Variants in CD163L1 observed in about 807,000 individuals in gnomAD.
CD163L1 encodes CD163 molecule like 1.
CD163L1 carries 124 observed loss-of-function variants against 165.4 expected under a neutral mutation model. That is an observed-to-expected ratio of 0.75 (90% CI 0.65 to 0.87). The LOEUF is 0.87. Among genes scored for constraint, CD163L1 ranks in the 40% least tolerant of loss-of-function variants. The pLI, the probability that CD163L1 is intolerant of heterozygous loss-of-function variation, is 0.00. For synonymous variants in CD163L1, 585 were observed against 662.2 expected, an observed-to-expected ratio of 0.88 and a Z score of 1.79; for missense variants, 1,525 against 1,799.9, an observed-to-expected ratio of 0.85 and a Z score of 2.76.
chr12:7,323,474 G>A, the CD163L1 span: 1 of 1,613,812 alleles, frequency 6.2e-7, no homozygotes, highest in Non-Finnish European at 8.5e-7. Flanking sequence ...AGATGAAAAT[G>A]GCAATGTTCT....
rs193299513 is a variant in CD163L1, at chr12:7,357,249, T to G, written c.*24+131A>C. The G allele has an allele frequency of 6.6e-5, 38 of 573,252 alleles. No homozygotes were observed. The African/African-American group carries it at 6.9e-4, about 10-fold the overall frequency. 35.5% of individuals were successfully genotyped at this position (573,252 alleles called of 1,614,324 possible). On this transcript the variant is annotated intron_variant, in intron 19 of 19. Coordinates refer to ENST00000313599, the MANE Select transcript of CD163L1 (RefSeq NM_174941.6). Reference sequence around the variant, plus strand: ...CTTTTCCAGAGGTTAACATAGAATATTTGAAATACTGGGGATATGAACCAG... The same window carrying G: ...CTTTTCCAGAGGTTAACATAGAATAGTTGAAATACTGGGGATATGAACCAG...
chr12:7,360,497 G>T (rs903523421), intron 18 of CD163L1, among the ~76,000 whole-genome samples: 1 of 151,884 alleles, frequency 6.6e-6, no homozygotes, highest in Non-Finnish European at 1.5e-5. Context: ...CATTTTTAAG[G>T]TATCTTTTTC....
At chr12:7,379,867 G>GTT (rs199865477) in intron 8 of CD163L1, among the ~76,000 whole-genome samples, 15,867 of 144,368 alleles carry the variant, frequency 0.11, 1,103 homozygotes, top group African/African-American at 0.19. Flanking sequence ...GAGTAGGTAA[G>GTT]TTTTTTTTTT....
chr12:7,371,423 G>A (rs1233224903), intron 14 of CD163L1, among the ~76,000 whole-genome samples: 1 of 152,040 alleles, frequency 6.6e-6, no homozygotes, highest in African/African-American at 2.4e-5. Context: ...AAAGCTGGCA[G>A]AATTCATCCT....
At chr12:7,420,831 C>A (rs1354005638) in intron 4 of CD163L1, among the ~76,000 whole-genome samples, 1 of 151,554 alleles carries the variant, frequency 6.6e-6, no homozygotes, top group Non-Finnish European at 1.5e-5. Context: ...TTAGACCCAA[C>A]AATCCCACTA....
intron 4 of CD163L1, among the ~76,000 whole-genome samples, chr12:7,430,695 T>A (rs1188288240): frequency 6.6e-6 from 1 of 152,098 alleles, no homozygotes; most frequent in Non-Finnish European, 1.5e-5. Flanking sequence ...ATGAATAGGA[T>A]ATGTTTATAT....
rs1316668451 is a variant in CD163L1 at position 7,379,059 on chromosome 12, C to T, written c.2290G>A (p.Ala764Thr). The change falls in exon 9 of 20, where the codon GCC becomes ACC. Residue 764 changes from alanine to threonine, a missense_variant. Physicochemically the swap from Ala to Thr is moderately conservative, Grantham distance 58. Coordinates refer to ENST00000313599, the MANE Select transcript of CD163L1 (RefSeq NM_174941.6). The stretch of plus-strand genomic sequence containing the variant: ...CATCGTATACAATCCCAGAGAGAGG[C>T]TTCCCCTCCAGTGCAGCCAGAATTC... ...MSNSGCTGGE[A>T]SLWDCIRWEW... The T allele has an allele frequency of 2.5e-6, 4 of 1,614,046 alleles. No individual in the cohort carries two copies. The highest frequency in any genetic ancestry group is 2.5e-6 in the Non-Finnish European group (3 of 1,180,020).
At chr12:7,438,901 A>T (rs1948775818) in intron 2 of CD163L1, 1 of 1,599,456 alleles carries the variant, frequency 6.3e-7, no homozygotes, top group Admixed American at 1.7e-5. Flanking sequence ...CTCTGTCTTG[A>T]TTCCTCTGCT....
In CD163L1 at chr12:7,398,222, T is replaced by C; in HGVS notation, c.1729+42A>G. The C allele has an allele frequency of 6.4e-7, 1 of 1,563,068 alleles. No homozygotes were observed. Among genetic ancestry groups the C allele is most frequent in the Non-Finnish European group, 8.7e-7 (1 of 1,148,274 alleles). On this transcript the variant is annotated intron_variant, in intron 7 of 19. Transcript: ENST00000313599. The surrounding 1 kb of genome is among the most constrained non-coding windows in gnomAD (Gnocchi z 4.5). ...CAGAAGCCCTTCCTATGAGGAATAC[T>C]ATTTCTCTTATCAGGAAATAATAAA... is the stretch of plus-strand genomic sequence containing the variant.
intron 4 of CD163L1, among the ~76,000 whole-genome samples, chr12:7,349,014 G>C (rs981062911): frequency 6.6e-6 from 1 of 152,072 alleles, no homozygotes; most frequent in Admixed American, 6.5e-5. Context: ...GGTAGACGGT[G>C]AATCTGGATT....
At chr12:7,428,187 A>C (rs1438148101) in intron 4 of CD163L1, among the ~76,000 whole-genome samples, 2 of 152,050 alleles carry the variant, frequency 1.3e-5, no homozygotes, top group Non-Finnish European at 2.9e-5. Flanking sequence ...TATCCCCTTT[A>C]TGGTTTTAAC....
intron 1 of CD163L1, among the ~76,000 whole-genome samples, chr12:7,442,324 C>T (rs1008596615): frequency 2.0e-5 from 3 of 152,156 alleles, no homozygotes; most frequent in East Asian, 1.9e-4. Flanking sequence ...GAACAGTACC[C>T]ATCGGGGAAA....
rs1267294575 is a variant in CD163L1 at position 7,374,017 on chromosome 12, G to T, written c.3410-377C>A. Among the ~76,000 whole-genome samples the T allele has an allele frequency of 6.6e-6, 1 of 152,182 alleles. No individual in the cohort carries two copies. The highest frequency in any genetic ancestry group is 1.9e-4 in the East Asian group (1 of 5,190). Reference sequence around the variant, plus strand: ...TTAGTTTCTGCTTCTGGTCAGGTTAGTAAAGACCCTTCCTCATCCCTCTTT... The same window carrying T: ...TTAGTTTCTGCTTCTGGTCAGGTTATTAAAGACCCTTCCTCATCCCTCTTT... On this transcript the variant is annotated intron_variant, in intron 13 of 19. Coordinates refer to ENST00000313599, the MANE Select transcript of CD163L1 (RefSeq NM_174941.6). The surrounding 1 kb of genome is among the most constrained non-coding windows in gnomAD (Gnocchi z 5.4).
intron 4 of CD163L1, among the ~76,000 whole-genome samples, chr12:7,431,026 G>A (rs1948618318): frequency 6.6e-6 from 1 of 152,240 alleles, no homozygotes; most frequent in East Asian, 1.9e-4. Flanking sequence ...TGACTACAGA[G>A]AGGTCACTGG....
chr12:7,327,698 C>T, the CD163L1 span, among the ~76,000 whole-genome samples: 3 of 152,122 alleles, frequency 2.0e-5, no homozygotes, highest in African/African-American at 7.2e-5. Flanking sequence ...AGTAGTTAAA[C>T]CTAAAAACTA....
intron 4 of CD163L1, among the ~76,000 whole-genome samples, chr12:7,421,468 T>TATACATATATGTACATATATAC (rs1555202363): frequency 1.1e-5 from 1 of 93,402 alleles, no homozygotes; most frequent in Non-Finnish European, 1.8e-5. Context: ...TATATACATA[T>TATACATATATGTACATATATAC]ATATACATAT....
At chr12:7,421,287 A>ATATG (rs1555202192) in intron 4 of CD163L1, among the ~76,000 whole-genome samples, 4 of 114,206 alleles carry the variant, frequency 3.5e-5, no homozygotes, top group Admixed American at 9.0e-5. Context: ...GTATATATAT[A>ATATG]TGTGTGTATA....
chr12:7,327,831 A>G, the CD163L1 span, among the ~76,000 whole-genome samples: 1 of 152,214 alleles, frequency 6.6e-6, no homozygotes, highest in Admixed American at 6.5e-5. Flanking sequence ...TTGAGAGAAG[A>G]GAACAAAAAG....
intron 17 of CD163L1, 103 bp downstream of exon 17, chr12:7,367,984 C>A: frequency 1.4e-6 from 1 of 720,980 alleles, no homozygotes; most frequent in South Asian, 1.7e-5. Context: ...CCATCTCACT[C>A]AAAGTGGCAA....
Sources: gnomAD v4.1 joint callset for allele counts (sites outside exome capture counted in the v4.1 genomes callset) on GRCh38, gnomAD v4.1.1 for gene constraint, Gnocchi (gnomAD v3.1) non-coding constraint, MANE v1.5 for transcripts, NCBI Gene and HGNC (gene_info 2026-07-23, HGNC 2026-07-21) for gene names.